Variants in STON2 observed in about 807,000 individuals in gnomAD.
The protein encoded by STON2 is stonin-2.
A neutral mutation model predicts 65.7 loss-of-function variants in STON2; 29 were observed. The ratio of observed to expected loss-of-function variants is 0.44; its 90% CI spans 0.33 to 0.60. The LOEUF is 0.60. Among genes scored for constraint, STON2 ranks in the 20% least tolerant of loss-of-function variants. The pLI, the probability that STON2 is intolerant of heterozygous loss-of-function variation, is 0.03. For synonymous variants in STON2, 404 were observed against 414.2 expected (o/e 0.98, Z 0.30); for missense variants, 1,054 against 1,118.1 (o/e 0.94, Z 0.82).
At chr14:81,386,437 C>T (rs1226964351) in intron 3 of STON2, among the ~76,000 whole-genome samples, 1 of 152,060 alleles carries the variant, frequency 6.6e-6, no homozygotes, top group Non-Finnish European at 1.5e-5. Context: ...GTCACCCCTG[C>T]CTCCCTCTTA....
chr14:81,262,464 C>T lies in STON2; in HGVS notation c.*5950G>A. 2 of 985,320 alleles carry T rather than the reference C, an allele frequency of 2.0e-6. No homozygotes were observed. Among genetic ancestry groups the T allele is most frequent in the Non-Finnish European group, 2.4e-6 (2 of 829,816 alleles). The allele number at this position is 985,320 out of a possible 1,614,324, so 61.0% of individuals were successfully genotyped here. ...GCAATCTTTATTTTTCCTGGAGCTT[C>T]TTACTTTTAACTTTAAGAGATGGCT... On this transcript the variant is annotated 3_prime_UTR_variant, in exon 8 of 8. Coordinates refer to ENST00000614646, the MANE Select transcript of STON2 (RefSeq NM_001394390.1).
rs1324169093 is a variant in STON2, at chr14:81,261,947, A to T, written c.*6467T>A. The T allele has an allele frequency of 8.6e-7, 1 of 1,156,212 alleles. No individual in the cohort carries two copies. Among genetic ancestry groups the T allele is most frequent in the African/African-American group, 1.6e-5 (1 of 62,102 alleles). 71.6% of individuals were successfully genotyped at this position (1,156,212 alleles called of 1,614,324 possible). On this transcript the variant is annotated 3_prime_UTR_variant, in exon 8 of 8. Transcript: ENST00000614646. Reference sequence around the variant, plus strand: ...TTTCTGTTGTCTGGGGAAATGATAAAAAAAAAAAAAAAAAAGAGAGAGATG... The same window carrying T: ...TTTCTGTTGTCTGGGGAAATGATAATAAAAAAAAAAAAAAAGAGAGAGATG...
At chr14:81,356,895 CTCTT>C (rs1898260651) in intron 4 of STON2, among the ~76,000 whole-genome samples, 1 of 152,074 alleles carries the variant, frequency 6.6e-6, no homozygotes, top group African/African-American at 2.4e-5. Context: ...TGATTCTTCT[CTCTT>C]TTTTTCTTTA....
rs1894939226 is a variant in STON2, at chr14:81,278,102, A to T, written c.1380T>A (p.Asp460Glu). 6.2e-6 allele frequency: 10 copies of T among 1,614,066 alleles called. No individual in the cohort carries two copies. The highest frequency in any genetic ancestry group is 7.6e-6 in the Non-Finnish European group (9 of 1,180,042). The change falls in exon 6 of 8, where the codon GAT (aspartate) becomes GAA (glutamate). Residue 460 changes from aspartate (D) to glutamate (E), a missense_variant. Transcript: ENST00000614646. ...PDHFGSATLPDDDPVAWIELD... is the reference protein window; with the variant it reads ...PDHFGSATLPEDDPVAWIELD... ...GTTCAATCCAGGCTACTGGGTCATCATCAGGTAGAGTTGCACTGCCAAAGT... is the reference window on the plus strand; with the variant it reads ...GTTCAATCCAGGCTACTGGGTCATCTTCAGGTAGAGTTGCACTGCCAAAGT...
intron 1 of STON2, among the ~76,000 whole-genome samples, chr14:81,430,467 G>A (rs145652376): frequency 7.2e-5 from 11 of 152,178 alleles, no homozygotes; most frequent in African/African-American, 2.4e-4. Flanking sequence ...CACACTCTTC[G>A]CTGTGATGAA....
intron 3 of STON2, among the ~76,000 whole-genome samples, chr14:81,384,954 G>A (rs1330788274): frequency 6.6e-6 from 1 of 152,122 alleles, no homozygotes; most frequent in East Asian, 1.9e-4. Flanking sequence ...GCAGTATGAA[G>A]CAGCTACTGC....
chr14:81,434,946 GT>G lies in STON2; in HGVS notation c.-310+1374del, dbSNP rs542759632. ...ACTGGCATTTTTGCTGTGTGGTTGA[GT>G]TTTTTTTCTCTCTCTCTCTTTCTCC... On this transcript the variant is annotated intron_variant, in intron 1 of 8. Coordinates refer to the STON2 transcript ENST00000553821. Among the ~76,000 whole-genome samples the G allele has an allele frequency of 6.9e-3, 1,041 of 151,950 alleles. 6 individuals carry two copies. The highest frequency in any genetic ancestry group is 9.8e-3 in the Non-Finnish European group (663 of 67,948).
chr14:81,397,750 T>G (rs891184757), intron 2 of STON2, among the ~76,000 whole-genome samples: 1 of 152,204 alleles, frequency 6.6e-6, no homozygotes, highest in Admixed American at 6.5e-5. Context: ...ATGACCGTAC[T>G]GAGCTCTTTC....
chr14:81,290,096 C>T (rs1895496227), intron 5 of STON2, among the ~76,000 whole-genome samples: 1 of 152,222 alleles, frequency 6.6e-6, no homozygotes. Flanking sequence ...AGCTGGTCCT[C>T]ATCAGCCTCT....
chr14:81,356,878 A>G (rs1482721047), intron 4 of STON2, among the ~76,000 whole-genome samples: 6 of 151,910 alleles, frequency 3.9e-5, no homozygotes, highest in African/African-American at 1.4e-4. Context: ...TTTTTATTGC[A>G]TCTATTTGAT....
At chr14:81,393,445 G>A (rs1002777388) in intron 3 of STON2, among the ~76,000 whole-genome samples, 8 of 152,110 alleles carry the variant, frequency 5.3e-5, no homozygotes, top group Non-Finnish European at 1.2e-4. Flanking sequence ...TGAGGCAAAC[G>A]GAAGGAGAGC....
chr14:81,376,806 T>C (rs1224099452), intron 3 of STON2, among the ~76,000 whole-genome samples: 2 of 152,188 alleles, frequency 1.3e-5, no homozygotes, highest in Non-Finnish European at 2.9e-5. Context: ...AATGACTAAA[T>C]TGAGTTATCC....
chr14:81,341,712 C>T (rs1438006325), intron 4 of STON2, among the ~76,000 whole-genome samples: 1 of 152,092 alleles, frequency 6.6e-6, no homozygotes, highest in Non-Finnish European at 1.5e-5. Flanking sequence ...TGCTAGTCCA[C>T]CTACTGTAAC....
intron 4 of STON2, among the ~76,000 whole-genome samples, chr14:81,345,684 C>T (rs1897783364): frequency 6.6e-6 from 1 of 151,962 alleles, no homozygotes; most frequent in African/African-American, 2.4e-5. Context: ...TGGTTTGAGC[C>T]CAGGAGGCAG....
intron 5 of STON2, among the ~76,000 whole-genome samples, chr14:81,320,996 C>T (rs1896802629): frequency 6.6e-6 from 1 of 152,178 alleles, no homozygotes; most frequent in Non-Finnish European, 1.5e-5. Context: ...GTTTTCTAGG[C>T]CCTCTTCACT....
intron 3 of STON2, among the ~76,000 whole-genome samples, chr14:81,382,502 G>GT (rs1899573443): frequency 6.6e-6 from 1 of 152,118 alleles, no homozygotes. Context: ...GTCAAGAAAA[G>GT]TAAGGTAGTT....
Position 81,326,245 on chromosome 14 carries a change from C to T in STON2, c.572-2058G>A, listed in dbSNP as rs569310214. Among the ~76,000 whole-genome samples the T allele has an allele frequency of 2.0e-4, 31 of 152,162 alleles. 1 individual carries two copies. The highest frequency in any genetic ancestry group is 3.3e-4 in the Admixed American group (5 of 15,272). The stretch of plus-strand genomic sequence containing the variant: ...TCCCTTAGGAACAATGTTGTAATTA[C>T]GGGTTCTGTTCCAAGACCTCATGTT... On this transcript the variant is annotated intron_variant, in intron 4 of 7. Transcript: ENST00000614646.
intron 5 of STON2, among the ~76,000 whole-genome samples, chr14:81,309,218 C>A: frequency 6.6e-6 from 1 of 151,824 alleles, no homozygotes; most frequent in Non-Finnish European, 1.5e-5. Context: ...ATTACACTGG[C>A]ACATGGCAGC....
In STON2 at chr14:81,263,779, A is replaced by AGC. The variant is rs1894254002; in HGVS notation, c.*4633_*4634dup. The AGC allele has an allele frequency of 1.0e-6, 1 of 985,270 alleles. No individual in the cohort carries two copies. Among genetic ancestry groups the AGC allele is most frequent in the Non-Finnish European group, 1.2e-6 (1 of 829,938 alleles). 61.0% of individuals were successfully genotyped at this position (985,270 alleles called of 1,614,324 possible). A position where few individuals can be genotyped will look rare whatever the true frequency, so the allele number is the denominator to read the frequency against. On this transcript the variant is annotated 3_prime_UTR_variant, in exon 8 of 8. Coordinates refer to ENST00000614646, the MANE Select transcript of STON2 (RefSeq NM_001394390.1). ...CACTCGAACTGGGAGCATTTCTATAAGCAGGCTGGATGGTAGTGCTTCCTA... is the reference window on the plus strand; with the variant it reads ...CACTCGAACTGGGAGCATTTCTATAAGCGCAGGCTGGATGGTAGTGCTTCCTA...
Sources: gnomAD v4.1 joint callset for allele counts (sites outside exome capture counted in the v4.1 genomes callset) on GRCh38, gnomAD v4.1.1 for gene constraint, MANE v1.5 for transcripts, NCBI Gene and HGNC (gene_info 2026-07-23, HGNC 2026-07-21) for gene names.